The following FRMPD4 variants were observed in gnomAD, a reference collection of about 807,000 sequenced individuals.
FRMPD4 encodes FERM and PDZ domain containing 4.
A neutral mutation model predicts 94.1 loss-of-function variants in FRMPD4; 22 were observed. That is an observed-to-expected ratio of 0.23 (90% CI 0.17 to 0.33). The LOEUF (loss-of-function observed/expected upper bound fraction) is 0.33. Among genes scored for constraint, FRMPD4 ranks in the 10% least tolerant of loss-of-function variants. FRMPD4 has a pLI of 1.00. For synonymous variants in FRMPD4, 631 were observed against 548.6 expected (o/e 1.15, Z -2.10); for missense variants, 1,111 against 1,339.9 (o/e 0.83, Z 2.67).
chrX:11,859,012 A>T (rs2053669425), intron 1 of FRMPD4, among the ~76,000 whole-genome samples: 1 of 112,102 alleles, frequency 8.9e-6, no homozygotes, highest in Non-Finnish European at 1.9e-5. Context: ...TCTAGCTGTC[A>T]AATAATTTAT....
chrX:12,397,277 A>G (rs9887261), intron 1 of FRMPD4, among the ~76,000 whole-genome samples: 39,696 of 109,833 alleles, frequency 0.36, 5,847 homozygotes, highest in African/African-American at 0.54. Context: ...AAAAAAATAC[A>G]TGTTTATAAA....
At chrX:12,504,247 CAA>C (rs2057955179) in intron 2 of FRMPD4, among the ~76,000 whole-genome samples, 1 of 112,691 alleles carries the variant, frequency 8.9e-6, no homozygotes, top group African/African-American at 3.2e-5. Context: ...TATAAGCATC[CAA>C]AGAGTTAATA....
intron 4 of FRMPD4, among the ~76,000 whole-genome samples, chrX:12,674,173 A>G (rs1037756774): frequency 1.8e-5 from 2 of 111,988 alleles, no homozygotes; most frequent in Non-Finnish European, 3.8e-5. Flanking sequence ...TAGATAAACC[A>G]TTATATTACA....
intron 1 of FRMPD4, among the ~76,000 whole-genome samples, chrX:12,405,798 C>T (rs10521623): frequency 0.24 from 26,549 of 110,374 alleles, 2,635 homozygotes; most frequent in Non-Finnish European, 0.31. Flanking sequence ...AATCTGAGAA[C>T]TAAGGAACAA....
At chrX:12,254,175 G>A (rs2054083755) in intron 1 of FRMPD4, among the ~76,000 whole-genome samples, 1 of 111,966 alleles carries the variant, frequency 8.9e-6, no homozygotes, top group African/African-American at 3.2e-5. Flanking sequence ...ACAATTAAGT[G>A]TTAGAATTTA....
intron 3 of FRMPD4, among the ~76,000 whole-genome samples, chrX:11,945,575 A>G (rs1024769943): frequency 3.6e-5 from 4 of 111,922 alleles, no homozygotes; most frequent in African/African-American, 1.3e-4. Flanking sequence ...TGCAGGTTAT[A>G]CAAGCATGGC....
intron 1 of FRMPD4, among the ~76,000 whole-genome samples, chrX:12,362,522 A>G (rs1052290252): frequency 1.8e-5 from 2 of 111,531 alleles, no homozygotes; most frequent in African/African-American, 6.6e-5. Context: ...ATGTCCCTAC[A>G]AAGGACATGA....
intron 3 of FRMPD4, among the ~76,000 whole-genome samples, chrX:12,064,172 T>C (rs923666965): frequency 5.3e-5 from 6 of 112,790 alleles, no homozygotes; most frequent in African/African-American, 1.9e-4. Flanking sequence ...ACGGAATTGT[T>C]TGTGGCAAAC....
intron 3 of FRMPD4, among the ~76,000 whole-genome samples, chrX:11,882,843 T>C (rs1344496216): frequency 1.8e-5 from 2 of 110,976 alleles, no homozygotes; most frequent in Non-Finnish European, 3.8e-5. Context: ...GAGAGGGTGA[T>C]TTGATAAAAG....
At chrX:12,219,776 T>C (rs996511277) in intron 1 of FRMPD4, among the ~76,000 whole-genome samples, 2 of 112,016 alleles carry the variant, frequency 1.8e-5, no homozygotes, top group South Asian at 3.8e-4. Flanking sequence ...AGGCCCTCTA[T>C]TGAGGCAAAC....
chrX:11,889,873 T>G (rs2053864921), intron 3 of FRMPD4, among the ~76,000 whole-genome samples: 2 of 112,268 alleles, frequency 1.8e-5, no homozygotes, highest in African/African-American at 6.5e-5. Context: ...AGCCTGAGCT[T>G]CTTTACATGG....
Position 12,479,435 on chromosome X carries a change from C to CATATAT in FRMPD4, c.42-19244_42-19243insTATATA, listed in dbSNP as rs35102998. Among the ~76,000 whole-genome samples the CATATAT allele has an allele frequency of 5.6e-3, 505 of 89,838 alleles. 12 individuals are homozygous for CATATAT. The highest frequency in any genetic ancestry group is 0.021 in the African/African-American group (471 of 21,943). 78.0% of individuals were successfully genotyped at this position (89,838 alleles called of 115,157 possible). A position where few individuals can be genotyped will look rare whatever the true frequency, so the allele number is the denominator to read the frequency against. On this transcript the variant is annotated intron_variant, in intron 1 of 16. Transcript: ENST00000675598. ...ATATACATATATACGTATATATATA[C>CATATAT]ACACATATATGTATATATATGTATA...
At chrX:12,269,679 A>G (rs1485104956) in intron 1 of FRMPD4, among the ~76,000 whole-genome samples, 2 of 112,052 alleles carry the variant, frequency 1.8e-5, no homozygotes, top group East Asian at 5.6e-4. Context: ...CACTACTGGC[A>G]TCTAGTGGGT....
At chrX:12,702,834 A>C (rs187732385) in intron 10 of FRMPD4, among the ~76,000 whole-genome samples, 2 of 112,372 alleles carry the variant, frequency 1.8e-5, no homozygotes, top group Admixed American at 9.4e-5. Context: ...CACTCCTTCC[A>C]GATGCTTTCT....
chrX:11,888,855 C>A (rs2053859830), intron 3 of FRMPD4, among the ~76,000 whole-genome samples: 1 of 112,332 alleles, frequency 8.9e-6, no homozygotes, highest in South Asian at 3.6e-4. Flanking sequence ...AAGAAGTGAG[C>A]ACATGCTGTA....
At chrX:12,319,672 A>C (rs1433529717) in intron 1 of FRMPD4, among the ~76,000 whole-genome samples, 1 of 111,899 alleles carries the variant, frequency 8.9e-6, no homozygotes, top group Non-Finnish European at 1.9e-5. Flanking sequence ...CCCATCTTCA[A>C]ACCTTAAGTT....
chrX:11,925,298 A>T (rs924171142), intron 3 of FRMPD4, among the ~76,000 whole-genome samples: 6 of 111,702 alleles, frequency 5.4e-5, no homozygotes, highest in African/African-American at 2.0e-4. Flanking sequence ...TTAGACTCCC[A>T]CACAATAATA....
chrX:11,990,632 C>G (rs186274147), intron 3 of FRMPD4, among the ~76,000 whole-genome samples: 1 of 111,503 alleles, frequency 9.0e-6, no homozygotes, highest in Admixed American at 9.5e-5. Context: ...GTTTGGGGAC[C>G]ATTAAACATA....
intron 3 of FRMPD4, among the ~76,000 whole-genome samples, chrX:12,103,727 G>A (rs1467760820): frequency 1.8e-5 from 2 of 111,633 alleles, no homozygotes; most frequent in Non-Finnish European, 3.8e-5. Context: ...AGAAATTATA[G>A]ATAAACAAAC....
Sources: gnomAD v4.1 joint callset for allele counts (sites outside exome capture counted in the v4.1 genomes callset) on GRCh38, gnomAD v4.1.1 for gene constraint, MANE v1.5 for transcripts, NCBI Gene and HGNC (gene_info 2026-07-23, HGNC 2026-07-21) for gene names.